BRINP3: variants seen among roughly 807,000 people sequenced by gnomAD.
BRINP3 encodes BMP/retinoic acid-inducible neural-specific protein 3.
Under a neutral mutation model 71.0 loss-of-function variants are expected in BRINP3, and 19 were observed. The observed-to-expected ratio is 0.27, with a 90% CI of 0.19 to 0.39. The LOEUF (loss-of-function observed/expected upper bound fraction) is 0.39, where lower values mean the gene tolerates loss of function less well. Among genes scored for constraint, BRINP3 ranks in the 10% least tolerant of loss-of-function variants. The pLI is 1.00. For missense variants in BRINP3, 959 were observed against 940.8 expected (o/e 1.02, Z -0.25); for synonymous variants, 380 against 337.7 (o/e 1.13, Z -1.37).
At chr1:190,159,564 G>A (rs917069426) in intron 7 of BRINP3, among the ~76,000 whole-genome samples, 2 of 152,006 alleles carry the variant, frequency 1.3e-5, no homozygotes, top group Non-Finnish European at 2.9e-5. Context: ...CTAAGTGAAA[G>A]AAGCTAGTCA....
At chr1:190,476,600 A>T (rs1042320453) in intron 1 of BRINP3, among the ~76,000 whole-genome samples, 2 of 152,210 alleles carry the variant, frequency 1.3e-5, no homozygotes, top group African/African-American at 2.4e-5. Context: ...CCTATTAAAC[A>T]CAAGGGTTGG....
At chr1:190,203,166 G>C (rs1398851911) in intron 6 of BRINP3, among the ~76,000 whole-genome samples, 2 of 151,926 alleles carry the variant, frequency 1.3e-5, no homozygotes, top group African/African-American at 2.4e-5. Context: ...CTTTCACAAA[G>C]AGTAAGTAAG....
intron 7 of BRINP3, among the ~76,000 whole-genome samples, chr1:190,108,161 A>G (rs564648015): frequency 4.6e-5 from 7 of 152,064 alleles, no homozygotes; most frequent in Non-Finnish European, 1.0e-4. Flanking sequence ...TCATCGATCA[A>G]AAATGTCACC....
At chr1:190,350,978 A>T in intron 2 of BRINP3, among the ~76,000 whole-genome samples, 1 of 151,946 alleles carries the variant, frequency 6.6e-6, no homozygotes, top group East Asian at 1.9e-4. Context: ...ATGTGCCATC[A>T]TGCCAGGCTA....
At position 190,373,494 on chromosome 1, in the gene BRINP3, G is replaced by GTATA. The variant is rs567742139; in HGVS notation, c.236+81157_236+81160dup. On this transcript the variant is annotated intron_variant, in intron 2 of 7. Coordinates refer to ENST00000367462, the MANE Select transcript of BRINP3 (RefSeq NM_199051.3). ...TATGTATATATGTGTGTGTATATGTGTATATATATACACACACACATATTT... is the reference window on the plus strand; with the variant it reads ...TATGTATATATGTGTGTGTATATGTGTATATATATATATACACACACACATATTT... Among the ~76,000 whole-genome samples the GTATA allele has an allele frequency of 3.9e-3, 594 of 150,946 alleles. 10 individuals are homozygous for GTATA. Among genetic ancestry groups the GTATA allele is most frequent in the Admixed American group, 0.035 (524 of 15,104 alleles).
intron 7 of BRINP3, among the ~76,000 whole-genome samples, chr1:190,131,814 A>G (rs1448132796): frequency 6.6e-6 from 1 of 152,098 alleles, no homozygotes; most frequent in African/African-American, 2.4e-5. Context: ...TTTATGAGCT[A>G]GAAACTCTAA....
At chr1:190,328,108 G>C (rs1356620701) in intron 2 of BRINP3, among the ~76,000 whole-genome samples, 1 of 152,034 alleles carries the variant, frequency 6.6e-6, no homozygotes, top group Non-Finnish European at 1.5e-5. Context: ...CAAAAAGTTA[G>C]AGAGATCTCA....
intron 3 of BRINP3, among the ~76,000 whole-genome samples, chr1:190,271,427 T>C (rs912738793): frequency 4.0e-5 from 6 of 151,662 alleles, no homozygotes; most frequent in African/African-American, 1.4e-4. Flanking sequence ...GTAAAGGGTT[T>C]GTAATATCAC....
intron 2 of BRINP3, among the ~76,000 whole-genome samples, chr1:190,439,837 A>G (rs902479929): frequency 9.2e-5 from 14 of 152,108 alleles, no homozygotes; most frequent in Middle Eastern, 6.8e-3. Context: ...ACAATGGCAA[A>G]AACAGGACTC....
At chr1:190,311,921 G>C (rs61818762) in intron 2 of BRINP3, among the ~76,000 whole-genome samples, 36 of 149,256 alleles carry the variant, frequency 2.4e-4, no homozygotes, top group Non-Finnish European at 5.1e-4. Context: ...CATACCTAGA[G>C]GCATGTTGAT....
intron 2 of BRINP3, among the ~76,000 whole-genome samples, chr1:190,414,952 C>A (rs549209030): frequency 1.3e-5 from 2 of 152,228 alleles, no homozygotes; most frequent in African/African-American, 2.4e-5. Context: ...AAGACAGACT[C>A]GGTCTGTTTC....
intron 2 of BRINP3, among the ~76,000 whole-genome samples, chr1:190,295,631 C>T (rs1664189000): frequency 6.6e-6 from 1 of 152,114 alleles, no homozygotes; most frequent in South Asian, 2.1e-4. Context: ...AGATTCCTCT[C>T]TGGTGCAGAG....
chr1:190,115,168 A>G (rs1222487282), intron 7 of BRINP3, among the ~76,000 whole-genome samples: 1 of 152,210 alleles, frequency 6.6e-6, no homozygotes, highest in Non-Finnish European at 1.5e-5. Flanking sequence ...ATGGATGAAT[A>G]AATTTACTTA....
chr1:190,192,261 A>G (rs1654098264), intron 6 of BRINP3, among the ~76,000 whole-genome samples: 1 of 152,178 alleles, frequency 6.6e-6, no homozygotes, highest in Non-Finnish European at 1.5e-5. Context: ...AGTAAAAATA[A>G]TCTTTAAAGT....
chr1:190,295,227 G>T (rs758717366), intron 2 of BRINP3, among the ~76,000 whole-genome samples: 3 of 152,110 alleles, frequency 2.0e-5, no homozygotes, highest in Admixed American at 6.6e-5. Flanking sequence ...CAGGATGGTG[G>T]ATTCCCTTCT....
At chr1:190,187,729 G>T (rs1166417522) in intron 6 of BRINP3, among the ~76,000 whole-genome samples, 6 of 151,954 alleles carry the variant, frequency 3.9e-5, no homozygotes, top group East Asian at 1.9e-4. Context: ...CTATTCAATT[G>T]GTCTATTTCC....
intron 7 of BRINP3, among the ~76,000 whole-genome samples, chr1:190,120,178 A>T (rs1653519339): frequency 6.6e-6 from 1 of 152,224 alleles, no homozygotes; most frequent in Non-Finnish European, 1.5e-5. Flanking sequence ...CTGAATTCAA[A>T]GAATGTAGAA....
intron 1 of BRINP3, among the ~76,000 whole-genome samples, chr1:190,470,776 A>G (rs968191431): frequency 6.6e-6 from 1 of 151,152 alleles, no homozygotes; most frequent in Non-Finnish European, 1.5e-5. Context: ...CATGTATTTC[A>G]TGATAAAACA....
intron 4 of BRINP3, among the ~76,000 whole-genome samples, chr1:190,251,693 A>G (rs1660154851): frequency 6.6e-6 from 1 of 152,052 alleles, no homozygotes; most frequent in African/African-American, 2.4e-5. Context: ...TGTAACATCT[A>G]CTGACAGGTA....
Sources: allele counts gnomAD v4.1 joint callset (sites outside exome capture counted in the v4.1 genomes callset), GRCh38; gene constraint gnomAD v4.1.1; transcripts MANE v1.5; gene names NCBI Gene and HGNC (gene_info 2026-07-23, HGNC 2026-07-21).